Variants in NAV2 observed in about 807,000 individuals in gnomAD.
The protein encoded by NAV2 is helicase, APC down-regulated 1.
A neutral mutation model predicts 223.2 loss-of-function variants in NAV2; 54 were observed. The ratio of observed to expected loss-of-function variants is 0.24; its 90% CI spans 0.19 to 0.30. The LOEUF (loss-of-function observed/expected upper bound fraction) is 0.30, where lower values mean the gene tolerates loss of function less well. Among genes scored for constraint, NAV2 ranks in the 10% least tolerant of loss-of-function variants. NAV2 has a pLI of 1.00. For missense variants in NAV2, 2,806 were observed against 3,147.5 expected (o/e 0.89, Z 2.60); for synonymous variants, 1,279 against 1,239.3 (o/e 1.03, Z -0.67).
chr11:19,935,161 G>A (rs2045735026), intron 7 of NAV2, among the ~76,000 whole-genome samples: 1 of 152,214 alleles, frequency 6.6e-6, no homozygotes, highest in Admixed American at 6.5e-5. Context: ...CATTCCCAGA[G>A]CTTTCACTGA....
Position 19,601,038 on chromosome 11 carries a change from G to T in NAV2, c.76-231446G>T, listed in dbSNP as rs75885726. Among the ~76,000 whole-genome samples the T allele has an allele frequency of 4.0e-3, 615 of 152,278 alleles. 1 individual carries two copies. The highest frequency in any genetic ancestry group is 0.014 in the African/African-American group (585 of 41,544). On this transcript the variant is annotated intron_variant, in intron 1 of 37. Coordinates refer to the NAV2 transcript ENST00000360655. Reference sequence around the variant, plus strand: ...TCCTTGGAACAGCAGATACAGTCTTGTTCTCTCAAGAGCTTCAGCCTGGTC... The same window carrying T: ...TCCTTGGAACAGCAGATACAGTCTTTTTCTCTCAAGAGCTTCAGCCTGGTC...
At chr11:19,741,611 T>G (rs1463672489) in intron 1 of NAV2, among the ~76,000 whole-genome samples, 1 of 149,992 alleles carries the variant, frequency 6.7e-6, no homozygotes, top group Non-Finnish European at 1.5e-5. Flanking sequence ...TCCATGTTGA[T>G]GCAAATGGCA....
At chr11:19,481,154 C>G (rs2133998970) in intron 1 of NAV2, among the ~76,000 whole-genome samples, 1 of 152,236 alleles carries the variant, frequency 6.6e-6, no homozygotes, top group South Asian at 2.1e-4. Context: ...GACATACATT[C>G]AAATACTCCC....
chr11:19,654,020 G>A (rs1242967841), intron 1 of NAV2, among the ~76,000 whole-genome samples: 2 of 152,188 alleles, frequency 1.3e-5, no homozygotes, highest in Non-Finnish European at 2.9e-5. Flanking sequence ...ATCTCCTTAA[G>A]CTGATAAGCA....
At chr11:20,106,554 C>CA (rs34470765) in intron 35 of NAV2, among the ~76,000 whole-genome samples, 33 of 94,908 alleles carry the variant, frequency 3.5e-4, no homozygotes, top group African/African-American at 9.7e-4. Flanking sequence ...AGTGAGACTC[C>CA]AAAAAAAAAA....
At chr11:19,561,325 C>A (rs761243766) in intron 1 of NAV2, among the ~76,000 whole-genome samples, 3 of 152,092 alleles carry the variant, frequency 2.0e-5, no homozygotes, top group Non-Finnish European at 4.4e-5. Flanking sequence ...CACGGAGAGT[C>A]GGGCGGGAAA....
At chr11:19,726,039 C>T (rs1265671399) in intron 1 of NAV2, among the ~76,000 whole-genome samples, 1 of 152,162 alleles carries the variant, frequency 6.6e-6, no homozygotes, top group Admixed American at 6.5e-5. Context: ...CCTCGCCGTT[C>T]TGCGGTGTGT....
At chr11:19,614,436 T>C (rs2046734774) in intron 1 of NAV2, among the ~76,000 whole-genome samples, 1 of 152,138 alleles carries the variant, frequency 6.6e-6, no homozygotes, top group Non-Finnish European at 1.5e-5. Context: ...TTTTATTGTA[T>C]AGAGTAGTTT....
chr11:19,533,230 G>A (rs767321063), intron 1 of NAV2, among the ~76,000 whole-genome samples: 11 of 152,058 alleles, frequency 7.2e-5, no homozygotes, highest in Non-Finnish European at 1.2e-4. Flanking sequence ...TTGACGTTTG[G>A]AGCTAGATAT....
chr11:20,102,975 G>T (rs2061744767), intron 32 of NAV2, among the ~76,000 whole-genome samples: 1 of 152,156 alleles, frequency 6.6e-6, no homozygotes, highest in African/African-American at 2.4e-5. Flanking sequence ...CACATAAAGA[G>T]CACAGTGCTG....
At chr11:19,679,964 C>A (rs1169348411) in intron 1 of NAV2, among the ~76,000 whole-genome samples, 1 of 152,168 alleles carries the variant, frequency 6.6e-6, no homozygotes, top group African/African-American at 2.4e-5. Flanking sequence ...ACAAGAGAGG[C>A]CAGGAGGGTT....
At chr11:19,859,164 A>ATTTTTTTTTTTT (rs2061548963) in intron 3 of NAV2, among the ~76,000 whole-genome samples, 1 of 68,720 alleles carries the variant, frequency 1.5e-5, no homozygotes, top group African/African-American at 5.6e-5. Context: ...TTTTTTATTG[A>ATTTTTTTTTTTT]TCATTCTTGG....
chr11:19,623,594 A>G (rs1288924350), intron 1 of NAV2, among the ~76,000 whole-genome samples: 1 of 152,130 alleles, frequency 6.6e-6, no homozygotes, highest in Non-Finnish European at 1.5e-5. Flanking sequence ...CATAGTTCTC[A>G]TGCCATGGTT....
In NAV2 at chr11:20,044,151, G is replaced by A; in HGVS notation, c.3078G>A (p.Lys1026=). The change falls in exon 13 of 38, where the codon AAG becomes AAA. Residue 1026 remains lysine (K), a synonymous_variant. Transcript: ENST00000349880. ...SDESDKSTSG[K]KNPVISQTGS... is the part of the protein sequence containing the mutation. ...AGTCCGACAAAAGCACGTCGGGCAA[G>A]AAGAATCCTGTCATCTCCCAGACAG... 1 of 1,614,238 alleles carries A rather than the reference G, an allele frequency of 6.2e-7. No homozygotes were observed. The highest frequency in any genetic ancestry group is 1.7e-5 in the Admixed American group (1 of 60,026).
chr11:20,078,179 C>A (rs1044689304), intron 24 of NAV2, 75 bp downstream of exon 24: 2 of 1,008,124 alleles, frequency 2.0e-6, no homozygotes, highest in Non-Finnish European at 3.0e-6. Context: ...TCATATGATG[C>A]AACCTCCTTG....
chr11:19,986,249 T>G (rs1353211863), intron 11 of NAV2, among the ~76,000 whole-genome samples: 2 of 152,228 alleles, frequency 1.3e-5, no homozygotes, highest in Non-Finnish European at 2.9e-5. Flanking sequence ...TAGTTCAGCC[T>G]GTATGGTTAA....
intron 1 of NAV2, among the ~76,000 whole-genome samples, chr11:19,423,185 G>C (rs1201374874): frequency 1.3e-5 from 2 of 152,196 alleles, no homozygotes; most frequent in African/African-American, 4.8e-5. Context: ...CTTCAGCAAA[G>C]CTGCCATACC....
intron 1 of NAV2, among the ~76,000 whole-genome samples, chr11:19,440,206 A>C (rs1290865232): frequency 4.6e-5 from 7 of 152,206 alleles, no homozygotes; most frequent in African/African-American, 1.7e-4. Flanking sequence ...TCTAGTGGGG[A>C]GGACAGACAA....
At position 19,662,549 on chromosome 11, in the gene NAV2, G is replaced by A. The variant is rs539021486; in HGVS notation, c.76-169935G>A. ...TCCATGTGGGTCCCATGCCCCACGTGTTCTTCCATTCCTGCTAACCACCAC... is the reference window on the plus strand; with the variant it reads ...TCCATGTGGGTCCCATGCCCCACGTATTCTTCCATTCCTGCTAACCACCAC... On this transcript the variant is annotated intron_variant, in intron 1 of 37. Coordinates refer to the NAV2 transcript ENST00000360655. Among the ~76,000 whole-genome samples, 9 of 152,390 alleles carry A rather than the reference G, an allele frequency of 5.9e-5. No homozygotes were observed. In the East Asian group the frequency reaches 1.5e-3, roughly 26 times the overall value.
Sources: gnomAD v4.1 joint callset for allele counts (sites outside exome capture counted in the v4.1 genomes callset) on GRCh38, gnomAD v4.1.1 for gene constraint, MANE v1.5 for transcripts, NCBI Gene and HGNC (gene_info 2026-07-23, HGNC 2026-07-21) for gene names.